Variants in KIF1A observed in about 807,000 individuals in gnomAD.
KIF1A encodes kinesin family member 1A.
Under a neutral mutation model 227.3 loss-of-function variants are expected in KIF1A, and 46 were observed. The observed-to-expected ratio is 0.20, with a 90% CI of 0.16 to 0.26. The LOEUF is 0.26. KIF1A is among the 10% of genes least tolerant of loss of function. KIF1A has a pLI of 1.00. For synonymous variants in KIF1A, 1,022 were observed against 1,012.8 expected (o/e 1.01, Z -0.17); for missense variants, 1,683 against 2,485.9 (o/e 0.68, Z 6.87).
intron 1 of KIF1A, among the ~76,000 whole-genome samples, chr2:240,802,095 A>T (rs1276340320): frequency 8.3e-6 from 1 of 119,948 alleles, no homozygotes; most frequent in Non-Finnish European, 1.7e-5. Context: ...AAAGTCAGCC[A>T]GAAAAAAAAA....
rs760644277 is a variant in KIF1A, at chr2:240,789,879, A to G, written c.107-567T>C. ...CCCTCCTCCACCCAACTTCAAGCCC[A>G]GTCCCAGGCACCCTGGGCTGGCTTC... On this transcript the variant is annotated intron_variant, in intron 2 of 48. Transcript: ENST00000498729. The surrounding 1 kb of genome is among the most constrained non-coding windows in gnomAD (Gnocchi z 4.8). Among the ~76,000 whole-genome samples the G allele has an allele frequency of 3.3e-5, 5 of 152,006 alleles. No homozygotes were observed. The highest frequency in any genetic ancestry group is 5.9e-5 in the Non-Finnish European group (4 of 67,994).
intron 12 of KIF1A, 97 bp from the exon 13 acceptor site, chr2:240,773,353 G>C: frequency 1.4e-6 from 2 of 1,480,724 alleles, no homozygotes; most frequent in Non-Finnish European, 1.8e-6. Flanking sequence ...CCAGCCTTTT[G>C]GGCTCAGCAG....
rs200705912 is a variant in KIF1A, at chr2:240,758,505, G to A, written c.2445-8C>T. On this transcript the variant is annotated splice_region_variant and splice_polypyrimidine_tract_variant and intron_variant, in intron 25 of 48. Coordinates refer to ENST00000498729, the MANE Select transcript of KIF1A (RefSeq NM_001244008.2). This position sits in a 1 kb window ranked among gnomAD's most constrained non-coding sequence, Gnocchi z 5.2. Reference sequence around the variant, plus strand: ...ATCAGGTCCAGACGCTGCCTGCAGGGACGGCAGGGGTCAATGTGGACCCAG... The same window carrying A: ...ATCAGGTCCAGACGCTGCCTGCAGGAACGGCAGGGGTCAATGTGGACCCAG... The A allele has an allele frequency of 2.7e-4, 427 of 1,565,222 alleles. No individual in the cohort carries two copies. In the African/African-American group the frequency reaches 4.4e-3, roughly 16 times the overall value.
intron 38 of KIF1A, among the ~76,000 whole-genome samples, chr2:240,732,408 G>A (rs563623086): frequency 6.8e-6 from 1 of 148,084 alleles, no homozygotes; most frequent in Non-Finnish European, 1.5e-5. Context: ...GGCATGATTA[G>A]GGCGTAAGGG....
At chr2:240,745,186 T>C (rs1432221748) in intron 32 of KIF1A, among the ~76,000 whole-genome samples, 1 of 152,128 alleles carries the variant, frequency 6.6e-6, no homozygotes, top group Non-Finnish European at 1.5e-5. Context: ...ATCGGCTCTA[T>C]GCTCACTATG....
intron 1 of KIF1A, among the ~76,000 whole-genome samples, chr2:240,811,629 T>A (rs1052364906): frequency 6.6e-6 from 1 of 152,088 alleles, no homozygotes; most frequent in African/African-American, 2.4e-5. Context: ...GAGGGGCACC[T>A]CTGGGACAGG....
intron 14 of KIF1A, among the ~76,000 whole-genome samples, chr2:240,772,020 C>T (rs1210051868): frequency 3.3e-5 from 5 of 152,230 alleles, no homozygotes; most frequent in African/African-American, 1.2e-4. Context: ...TGGAGCCAGA[C>T]CCGAGGCCAG....
rs943512192 is a variant in KIF1A at position 240,736,564 on chromosome 2, C to T, written c.4007+499G>A. Reference sequence around the variant, plus strand: ...CCTAAATGCGGTCGGGCTGGGACCGCCCAGACTGTGGGGTCTTGGCCGTGC... The same window carrying T: ...CCTAAATGCGGTCGGGCTGGGACCGTCCAGACTGTGGGGTCTTGGCCGTGC... On this transcript the variant is annotated intron_variant, in intron 38 of 48. Coordinates refer to ENST00000498729, the MANE Select transcript of KIF1A (RefSeq NM_001244008.2). This position sits in a 1 kb window ranked among gnomAD's most constrained non-coding sequence, Gnocchi z 4.7. Among the ~76,000 whole-genome samples the T allele has an allele frequency of 1.3e-5, 2 of 152,206 alleles. No homozygotes were observed. The highest frequency in any genetic ancestry group is 4.1e-4 in the South Asian group (2 of 4,834).
intron 10 of KIF1A, among the ~76,000 whole-genome samples, chr2:240,780,416 C>A (rs986719551): frequency 4.6e-5 from 7 of 152,080 alleles, no homozygotes; most frequent in African/African-American, 1.7e-4. Flanking sequence ...TCCCCACACA[C>A]TTCCCGCCTG....
chr2:240,727,346 G>A (rs1264477924), intron 38 of KIF1A, among the ~76,000 whole-genome samples: 1 of 152,152 alleles, frequency 6.6e-6, no homozygotes, highest in Non-Finnish European at 1.5e-5. Flanking sequence ...GAGGACTCAG[G>A]CAGGGAGGAG....
intron 23 of KIF1A, among the ~76,000 whole-genome samples, chr2:240,761,662 C>T (rs1156826438): frequency 1.3e-5 from 2 of 152,166 alleles, no homozygotes; most frequent in East Asian, 1.9e-4. Context: ...CCCCCCACCC[C>T]GTTTCACACT....
chr2:240,720,023 G>A, intron 45 of KIF1A, 97 bp from the exon 46 acceptor site: 2 of 1,287,656 alleles, frequency 1.6e-6, no homozygotes, highest in Non-Finnish European at 2.1e-6. Context: ...CTCAGAAGGT[G>A]CAGTAGGGCA....
At chr2:240,772,637 AAACAGAAG>A in intron 13 of KIF1A, 41 bp from the exon 14 acceptor site, 5 of 1,493,226 alleles carry the variant, frequency 3.3e-6, no homozygotes, top group Non-Finnish European at 4.6e-6. Flanking sequence ...AGAGACAGAG[AAACAGAAG>A]AACAGGTTTG....
At chr2:240,734,064 A>G (rs533910030) in intron 38 of KIF1A, among the ~76,000 whole-genome samples, 35 of 152,226 alleles carry the variant, frequency 2.3e-4, no homozygotes, top group African/African-American at 8.2e-4. Context: ...TGGTCTCTTC[A>G]TGAATTCACC....
chr2:240,773,317 AGG>A, intron 12 of KIF1A, 61 bp from the exon 13 acceptor site: 1 of 1,601,780 alleles, frequency 6.2e-7, no homozygotes, highest in South Asian at 1.1e-5. Flanking sequence ...GCAGGTCCCA[AGG>A]GTGCCTAGAG....
intron 14 of KIF1A, 109 bp from the exon 15 acceptor site, chr2:240,771,213 C>A: frequency 7.6e-7 from 1 of 1,324,142 alleles, no homozygotes. Context: ...GGCAGACAGA[C>A]AGAGGGAGGG....
chr2:240,756,358 T>C (rs2049850386), intron 27 of KIF1A, among the ~76,000 whole-genome samples: 1 of 152,254 alleles, frequency 6.6e-6, no homozygotes, highest in South Asian at 2.1e-4. Flanking sequence ...TTCTGACTAC[T>C]ACAGCCAGGT....
chr2:240,757,678 C>T lies in KIF1A; in HGVS notation c.2583-84G>A, dbSNP rs1320019848. 4.2e-6 allele frequency: 6 copies of T among 1,421,106 alleles called. No homozygotes were observed. Among genetic ancestry groups the T allele is most frequent in the Non-Finnish European group, 5.7e-6 (6 of 1,057,818 alleles). 88.0% of individuals were successfully genotyped at this position (1,421,106 alleles called of 1,614,324 possible). ...AGGGGCCGGGGCCGGGGCTGGGGGG[C>T]TTCTGTTTAAAACCAAAACCAAACA... On this transcript the variant is annotated intron_variant, in intron 26 of 48. Coordinates refer to ENST00000498729, the MANE Select transcript of KIF1A (RefSeq NM_001244008.2). The surrounding 1 kb of genome is among the most constrained non-coding windows in gnomAD (Gnocchi z 6.2).
intron 33 of KIF1A, among the ~76,000 whole-genome samples, chr2:240,743,304 C>A (rs1234505795): frequency 6.6e-6 from 1 of 152,216 alleles, no homozygotes; most frequent in East Asian, 1.9e-4. Flanking sequence ...CCTGGAGGGC[C>A]CCTGAGCTCC....
Sources: allele counts gnomAD v4.1 joint callset (sites outside exome capture counted in the v4.1 genomes callset), GRCh38; gene constraint gnomAD v4.1.1; non-coding constraint Gnocchi (gnomAD v3.1); transcripts MANE v1.5; gene names NCBI Gene and HGNC (gene_info 2026-07-23, HGNC 2026-07-21).